The following COL13A1 variants were observed in gnomAD, a reference collection of about 807,000 sequenced individuals.
COL13A1 encodes the protein collagen type XIII alpha 1 chain.
Under a neutral mutation model 130.9 loss-of-function variants are expected in COL13A1, and 89 were observed. The observed-to-expected ratio is 0.68, with a 90% CI of 0.57 to 0.81. COL13A1 has a LOEUF of 0.81. Among genes scored for constraint, COL13A1 ranks in the 30% least tolerant of loss-of-function variants. COL13A1 has a pLI of 0.00. For missense variants in COL13A1, 879 were observed against 934.6 expected (o/e 0.94, Z 0.78); for synonymous variants, 402 against 341.6 (o/e 1.18, Z -1.95).
chr10:69,953,074 C>T (rs1002155190), intron 39 of COL13A1, 106 bp downstream of exon 39: 102 of 738,152 alleles, frequency 1.4e-4, no homozygotes, highest in African/African-American at 2.0e-4. Flanking sequence ...AATGTCTACA[C>T]GGATGCTACC....
intron 35 of COL13A1, among the ~76,000 whole-genome samples, 160 bp from the exon 36 acceptor site, chr10:69,943,965 G>C (rs1009351605): frequency 2.6e-5 from 4 of 152,236 alleles, no homozygotes; most frequent in African/African-American, 9.6e-5. Flanking sequence ...TGAACCCAAA[G>C]AGGATCACGG....
chr10:69,931,044 C>T, intron 30 of COL13A1: 1 of 360,646 alleles, frequency 2.8e-6, no homozygotes, highest in Non-Finnish European at 5.7e-6. Flanking sequence ...GAAATGGGTG[C>T]CATCCTAGAC....
intron 1 of COL13A1, among the ~76,000 whole-genome samples, chr10:69,808,857 A>G (rs1842265958): frequency 6.6e-6 from 1 of 152,254 alleles, no homozygotes; most frequent in Non-Finnish European, 1.5e-5. Context: ...TGGACCCAGC[A>G]ATAGGCTCAG....
intron 13 of COL13A1, among the ~76,000 whole-genome samples, chr10:69,895,799 C>T (rs977455754): frequency 2.6e-5 from 4 of 152,130 alleles, no homozygotes; most frequent in Non-Finnish European, 5.9e-5. Flanking sequence ...TATATGGAGC[C>T]GCTCATCACC....
At chr10:69,943,990 T>C in intron 35 of COL13A1, 135 bp from the exon 36 acceptor site, 2 of 675,122 alleles carry the variant, frequency 3.0e-6, no homozygotes, top group African/African-American at 3.6e-5. Context: ...GTCGAATGAC[T>C]GCCCTGAACG....
intron 7 of COL13A1, among the ~76,000 whole-genome samples, chr10:69,882,139 C>A (rs1043308664): frequency 6.6e-6 from 1 of 152,218 alleles, no homozygotes; most frequent in East Asian, 1.9e-4. Context: ...AGAAGACAGG[C>A]TCCCAGGTTC....
intron 2 of COL13A1, among the ~76,000 whole-genome samples, chr10:69,829,724 G>A (rs951749617): frequency 1.3e-4 from 20 of 152,354 alleles, no homozygotes; most frequent in African/African-American, 4.8e-4. Flanking sequence ...TCATGGGGTG[G>A]AGGGTCAGGT....
intron 38 of COL13A1, among the ~76,000 whole-genome samples, chr10:69,952,611 A>G (rs140067262): frequency 2.0e-5 from 3 of 152,096 alleles, no homozygotes; most frequent in Middle Eastern, 3.4e-3. Context: ...GGCCACCAAA[A>G]TCTTCAGTCT....
chr10:69,840,271 G>A (rs1406888518), intron 2 of COL13A1, among the ~76,000 whole-genome samples: 2 of 152,144 alleles, frequency 1.3e-5, no homozygotes, highest in African/African-American at 4.8e-5. Flanking sequence ...GGAGAGATGG[G>A]GACAGGGCTG....
chr10:69,908,943 TGGGA>T (rs947133603), intron 17 of COL13A1, among the ~76,000 whole-genome samples: 2 of 145,802 alleles, frequency 1.4e-5, no homozygotes, highest in African/African-American at 4.9e-5. Context: ...CCAGATGCCT[TGGGA>T]GGGAGGGAGG....
At chr10:69,922,956 C>T (rs2064877773) in intron 23 of COL13A1, among the ~76,000 whole-genome samples, 162 bp downstream of exon 23, 1 of 152,182 alleles carries the variant, frequency 6.6e-6, no homozygotes, top group Non-Finnish European at 1.5e-5. Flanking sequence ...CCATTTGGAC[C>T]CAGCTCCTGC....
At chr10:69,947,454 C>A in intron 38 of COL13A1, 112 bp downstream of exon 38, 1 of 1,049,268 alleles carries the variant, frequency 9.5e-7, no homozygotes, top group Non-Finnish European at 1.4e-6. Flanking sequence ...CCTGATAAGT[C>A]ATCCTAAATT....
intron 14 of COL13A1, among the ~76,000 whole-genome samples, chr10:69,900,219 G>C (rs758282346): frequency 2.0e-5 from 3 of 152,090 alleles, no homozygotes; most frequent in Non-Finnish European, 4.4e-5. Flanking sequence ...CATTCTCCTG[G>C]GCCCCAACAG....
chr10:69,924,390 T>C (rs2065072515), intron 24 of COL13A1, among the ~76,000 whole-genome samples: 1 of 152,168 alleles, frequency 6.6e-6, no homozygotes, highest in Non-Finnish European at 1.5e-5. Flanking sequence ...TCATTTATTC[T>C]CCATGGCTCT....
At chr10:69,886,570 G>T (rs1467853902) in intron 7 of COL13A1, among the ~76,000 whole-genome samples, 1 of 152,304 alleles carries the variant, frequency 6.6e-6, no homozygotes, top group East Asian at 1.9e-4. Flanking sequence ...AAACTAATAT[G>T]GTTGATGGGG....
intron 34 of COL13A1, 82 bp downstream of exon 34, chr10:69,937,797 G>T: frequency 1.4e-6 from 1 of 721,132 alleles, no homozygotes; most frequent in Non-Finnish European, 2.5e-6. Context: ...CCAGCGGAAA[G>T]CTAAGGTTCT....
At chr10:69,936,049 A>C in intron 32 of COL13A1, among the ~76,000 whole-genome samples, 1 of 119,854 alleles carries the variant, frequency 8.3e-6, no homozygotes, top group East Asian at 3.0e-4. Flanking sequence ...GGGAGGAGGG[A>C]GGGAGGGAGG....
chr10:69,925,427 CT>C (rs1352251921), intron 25 of COL13A1, among the ~76,000 whole-genome samples: 1 of 152,200 alleles, frequency 6.6e-6, no homozygotes, highest in African/African-American at 2.4e-5. Context: ...TTCAGCTGAA[CT>C]TTTTTTCTTT....
chr10:69,924,880 C>T, intron 24 of COL13A1, 83 bp from the exon 25 acceptor site: 4 of 1,384,110 alleles, frequency 2.9e-6, no homozygotes, highest in South Asian at 1.5e-5. Context: ...GCCTCCTGGC[C>T]CTTATCACAT....
Sources: allele counts gnomAD v4.1 joint callset (sites outside exome capture counted in the v4.1 genomes callset), GRCh38; gene constraint gnomAD v4.1.1; transcripts MANE v1.5; gene names NCBI Gene and HGNC (gene_info 2026-07-23, HGNC 2026-07-21).